SOX6: variants seen among roughly 807,000 people sequenced by gnomAD.
The protein encoded by SOX6 is SRY-box transcription factor 6.
SOX6 carries 11 observed loss-of-function variants against 97.8 expected under a neutral mutation model. That is an observed-to-expected ratio of 0.11 (90% CI 0.07 to 0.19). SOX6 has a LOEUF of 0.19. SOX6 is among the 10% of genes least tolerant of loss of function. The pLI, the probability that SOX6 is intolerant of heterozygous loss-of-function variation, is 1.00. For missense variants in SOX6, 810 were observed against 1,039.5 expected (o/e 0.78, Z 3.04); for synonymous variants, 360 against 371.4 (o/e 0.97, Z 0.35).
chr11:16,552,732 A>G (rs1052244245), intron 4 of SOX6, among the ~76,000 whole-genome samples: 22 of 152,208 alleles, frequency 1.4e-4, no homozygotes, highest in Admixed American at 1.2e-3. Context: ...CTTTTTTACT[A>G]AAAGACTTAT....
At chr11:16,012,855 G>A (rs113716948) in intron 13 of SOX6, among the ~76,000 whole-genome samples, 26 of 152,108 alleles carry the variant, frequency 1.7e-4, no homozygotes, top group African/African-American at 6.0e-4. Flanking sequence ...GGTAAAAGGC[G>A]TAAGACATCC....
At chr11:16,095,845 A>C in intron 9 of SOX6, 151 bp downstream of exon 9, 1 of 896,408 alleles carries the variant, frequency 1.1e-6, no homozygotes, top group South Asian at 1.6e-5. Context: ...GGGGCAAAAG[A>C]AGAGCCTCCT....
At chr11:16,647,234 T>C (rs1849028508) in intron 3 of SOX6, among the ~76,000 whole-genome samples, 1 of 152,144 alleles carries the variant, frequency 6.6e-6, no homozygotes, top group Non-Finnish European at 1.5e-5. Flanking sequence ...AGCTCTTTAG[T>C]TTTATCCTCC....
intron 12 of SOX6, among the ~76,000 whole-genome samples, chr11:16,037,322 A>G (rs2133893869): frequency 6.6e-6 from 1 of 152,282 alleles, no homozygotes; most frequent in Non-Finnish European, 1.5e-5. Flanking sequence ...CATAGCATTA[A>G]GTCACCTGAC....
chr11:16,239,480 A>G lies in SOX6; in HGVS notation c.446-4809T>C, dbSNP rs1017888808. 2.0e-5 allele frequency among the ~76,000 whole-genome samples: 3 copies of G among 152,162 alleles called. No individual in the cohort carries two copies. In the East Asian group the frequency reaches 5.8e-4, roughly 29 times the overall value. The stretch of plus-strand genomic sequence containing the variant: ...TAAACCTAGAATAACTTCCCTAACC[A>G]AGAGTACGAATCACTAACAAACTCT... On this transcript the variant is annotated intron_variant, in intron 3 of 15. Transcript: ENST00000683767.
At chr11:16,094,333 A>AAGCC (rs890193729) in intron 9 of SOX6, among the ~76,000 whole-genome samples, 1 of 151,732 alleles carries the variant, frequency 6.6e-6, no homozygotes, top group Non-Finnish European at 1.5e-5. Context: ...GGTGGGAGAG[A>AAGCC]AGCCGATCTG....
At chr11:15,974,475 G>T (rs896942188) in intron 15 of SOX6, among the ~76,000 whole-genome samples, 6 of 138,230 alleles carry the variant, frequency 4.3e-5, no homozygotes, top group African/African-American at 1.7e-4. Context: ...GTGCCATGCT[G>T]GTGCGCTGCA....
intron 3 of SOX6, among the ~76,000 whole-genome samples, chr11:16,683,302 G>A (rs1590050690): frequency 6.6e-6 from 1 of 152,188 alleles, no homozygotes; most frequent in Non-Finnish European, 1.5e-5. Context: ...AAAGAACAAT[G>A]CTGGAGGCAT....
At chr11:16,226,303 A>G (rs1189460067) in intron 4 of SOX6, among the ~76,000 whole-genome samples, 1 of 151,244 alleles carries the variant, frequency 6.6e-6, no homozygotes, top group African/African-American at 2.4e-5. Flanking sequence ...TTTGGTTGCT[A>G]TCACATAATT....
chr11:16,060,908 T>G (rs963032479), intron 9 of SOX6, among the ~76,000 whole-genome samples: 1 of 151,862 alleles, frequency 6.6e-6, no homozygotes, highest in Non-Finnish European at 1.5e-5. Context: ...GATCTAATTA[T>G]TTTTGAATGC....
In SOX6 at chr11:16,311,337, T is replaced by C. The variant is rs544063603; in HGVS notation, c.445+7109A>G. The C allele has an allele frequency of 2.0e-4, 31 of 152,264 alleles. 1 individual carries two copies. In the East Asian group the frequency reaches 5.8e-3, roughly 28 times the overall value. 9.4% of individuals were successfully genotyped at this position (152,264 alleles called of 1,614,324 possible). Reference sequence around the variant, plus strand: ...TTATAATTACAGAAGCTAAATATTGTATATATTAATATGTCAAATCCTCAC... The same window carrying C: ...TTATAATTACAGAAGCTAAATATTGCATATATTAATATGTCAAATCCTCAC... On this transcript the variant is annotated intron_variant, in intron 3 of 15. Transcript: ENST00000683767.
intron 4 of SOX6, among the ~76,000 whole-genome samples, chr11:16,225,037 T>C (rs1266890783): frequency 6.6e-6 from 1 of 152,090 alleles, no homozygotes; most frequent in African/African-American, 2.4e-5. Flanking sequence ...CTGGCAAACA[T>C]TATTTCATTA....
chr11:16,475,124 G>A (rs776622017), intron 1 of SOX6, among the ~76,000 whole-genome samples: 7 of 152,160 alleles, frequency 4.6e-5, no homozygotes, highest in African/African-American at 7.2e-5. Context: ...GCCTTGCTCC[G>A]GATTATGCTT....
intron 3 of SOX6, among the ~76,000 whole-genome samples, chr11:16,617,927 C>G (rs1848490940): frequency 1.3e-5 from 2 of 151,846 alleles, no homozygotes; most frequent in Admixed American, 6.6e-5. Context: ...TATGGATGCT[C>G]TTTCTGTTCT....
chr11:16,555,263 C>T (rs1390378256), intron 4 of SOX6, among the ~76,000 whole-genome samples: 1 of 151,822 alleles, frequency 6.6e-6, no homozygotes, highest in Non-Finnish European at 1.5e-5. Context: ...TGAAAACTTA[C>T]TAAATCATTC....
chr11:16,673,585 G>C (rs1847862979), intron 3 of SOX6, among the ~76,000 whole-genome samples: 2 of 152,054 alleles, frequency 1.3e-5, no homozygotes, highest in Admixed American at 6.5e-5. Context: ...CTAATAACAA[G>C]TAATGGGCTC....
intron 12 of SOX6, among the ~76,000 whole-genome samples, chr11:16,042,288 G>A (rs1198723748): frequency 6.6e-6 from 1 of 152,010 alleles, no homozygotes; most frequent in Non-Finnish European, 1.5e-5. Context: ...TTGTTTCTTT[G>A]TCTATACCAG....
chr11:16,078,298 A>G (rs1212234450), intron 9 of SOX6, among the ~76,000 whole-genome samples: 1 of 152,168 alleles, frequency 6.6e-6, no homozygotes, highest in Non-Finnish European at 1.5e-5. Flanking sequence ...TAAACTTTAA[A>G]TACGTACATC....
intron 4 of SOX6, among the ~76,000 whole-genome samples, chr11:16,489,832 T>C (rs1860482654): frequency 6.6e-6 from 1 of 152,086 alleles, no homozygotes; most frequent in Non-Finnish European, 1.5e-5. Context: ...GGCAGTCTAG[T>C]ATACTGAGAA....
Sources: allele counts gnomAD v4.1 joint callset (sites outside exome capture counted in the v4.1 genomes callset), GRCh38; gene constraint gnomAD v4.1.1; transcripts MANE v1.5; gene names NCBI Gene and HGNC (gene_info 2026-07-23, HGNC 2026-07-21).